Variants in ELFN2 observed in about 807,000 individuals in gnomAD.
ELFN2 encodes the protein protein phosphatase 1 regulatory subunit 29.
ELFN2 carries 17 observed loss-of-function variants against 45.5 expected under a neutral mutation model. The ratio of observed to expected loss-of-function variants is 0.37; its 90% CI spans 0.26 to 0.56. The LOEUF (loss-of-function observed/expected upper bound fraction) is 0.56, where lower values mean the gene tolerates loss of function less well. Among genes scored for constraint, ELFN2 ranks in the 20% least tolerant of loss-of-function variants. The pLI is 0.77. For missense variants in ELFN2, 922 were observed against 1,183.2 expected (o/e 0.78, Z 3.24); for synonymous variants, 550 against 551.5 (o/e 1.00, Z 0.04).
intron 2 of ELFN2, among the ~76,000 whole-genome samples, chr22:37,388,180 C>T (rs890458150): frequency 1.3e-5 from 2 of 152,068 alleles, no homozygotes; most frequent in Non-Finnish European, 2.9e-5. Context: ...GAAAAGTCTT[C>T]GTTGGCTCGG....
At chr22:37,388,620 G>A (rs1932015775) in intron 2 of ELFN2, among the ~76,000 whole-genome samples, 1 of 152,180 alleles carries the variant, frequency 6.6e-6, no homozygotes, top group Non-Finnish European at 1.5e-5. Flanking sequence ...TCGGGGAGGG[G>A]TCAGCTTTTG....
At chr22:37,363,311 A>AT (rs533017026), downstream of ELFN2, among the ~76,000 whole-genome samples, 200 of 152,230 alleles carry the variant, frequency 1.3e-3, 1 homozygote, top group African/African-American at 4.6e-3. Flanking sequence ...GAGCCATACA[A>AT]TTTGTTTGAA....
intron 1 of ELFN2, among the ~76,000 whole-genome samples, chr22:37,344,421 C>T (rs555571305): frequency 1.3e-5 from 2 of 152,008 alleles, no homozygotes; most frequent in East Asian, 3.9e-4. Context: ...CCAGCATCGC[C>T]GGCTCTCAGC....
chr22:37,410,138 G>C (rs1932609277), intron 2 of ELFN2, among the ~76,000 whole-genome samples: 1 of 152,152 alleles, frequency 6.6e-6, no homozygotes, highest in African/African-American at 2.4e-5. Context: ...CTCTCCTGCG[G>C]CCTGAGAGAC....
chr22:37,380,570 C>A (rs1282733675), intron 2 of ELFN2, among the ~76,000 whole-genome samples: 1 of 152,160 alleles, frequency 6.6e-6, no homozygotes, highest in Non-Finnish European at 1.5e-5. Flanking sequence ...TGAGGCTCGG[C>A]CAGGGAAATC....
chr22:37,348,951 G>A (rs757433730), intron 1 of ELFN2, among the ~76,000 whole-genome samples: 5 of 150,932 alleles, frequency 3.3e-5, no homozygotes, highest in Non-Finnish European at 4.5e-5. Context: ...GCGTCTACCC[G>A]TCTTACACAT....
At chr22:37,399,329 G>A (rs1450547429) in intron 2 of ELFN2, among the ~76,000 whole-genome samples, 1 of 152,090 alleles carries the variant, frequency 6.6e-6, no homozygotes, top group East Asian at 1.9e-4. Context: ...GTCTGCCCCT[G>A]TGTGGGCTTC....
intron 1 of ELFN2, among the ~76,000 whole-genome samples, chr22:37,357,793 A>G (rs73164586): frequency 0.01 from 1,578 of 152,258 alleles, 12 homozygotes; most frequent in Middle Eastern, 0.051. Flanking sequence ...GTTTTTACCA[A>G]CTTCCCTGGG....
At position 37,369,186 on chromosome 22, in the gene ELFN2, C is replaced by T. The variant is rs899686471; in HGVS notation, c.*3886G>A. 2.0e-5 allele frequency: 3 copies of T among 152,152 alleles called. No individual in the cohort carries two copies. Among genetic ancestry groups the T allele is most frequent in the African/African-American group, 7.2e-5 (3 of 41,384 alleles). 9.4% of individuals were successfully genotyped at this position (152,152 alleles called of 1,614,324 possible). A position where few individuals can be genotyped will look rare whatever the true frequency, so the allele number is the denominator to read the frequency against. ...CTTTCCTCTCCTTTCCGTCTCTGCA[C>T]TTCTGTTCACCCCGCTGTTACATTT... On this transcript the variant is annotated 3_prime_UTR_variant, in exon 3 of 3. Coordinates refer to ENST00000402918, the MANE Select transcript of ELFN2 (RefSeq NM_052906.5).
intron 2 of ELFN2, among the ~76,000 whole-genome samples, chr22:37,411,473 A>G (rs1302933765): frequency 6.6e-6 from 1 of 152,122 alleles, no homozygotes; most frequent in Admixed American, 6.5e-5. Context: ...GGAAGCGGAG[A>G]AGGTCTGTGT....
At chr22:37,343,924 G>C (rs893418148) in intron 1 of ELFN2, among the ~76,000 whole-genome samples, 1 of 151,920 alleles carries the variant, frequency 6.6e-6, no homozygotes, top group African/African-American at 2.4e-5. Flanking sequence ...CCTTAGGCCA[G>C]GCCGCTGTCA....
chr22:37,345,953 C>T (rs1930686234), intron 1 of ELFN2, among the ~76,000 whole-genome samples: 1 of 152,168 alleles, frequency 6.6e-6, no homozygotes, highest in Admixed American at 6.5e-5. Context: ...TGATCCCAAA[C>T]CACCCCCAGA....
chr22:37,356,036 T>G (rs894083136), intron 1 of ELFN2, among the ~76,000 whole-genome samples: 18 of 152,142 alleles, frequency 1.2e-4, no homozygotes, highest in African/African-American at 4.3e-4. Flanking sequence ...AGTGCAGGTG[T>G]TTTTTTGGAA....
At chr22:37,425,870 T>TAC (rs133723) in intron 1 of ELFN2, among the ~76,000 whole-genome samples, 2,048 of 145,748 alleles carry the variant, frequency 0.014, 22 homozygotes, top group South Asian at 0.069. Flanking sequence ...CACATACACA[T>TAC]ACACACACAC....
rs781692047 is a variant in ELFN2 at position 37,374,382 on chromosome 22, C to T, written c.1153G>A (p.Gly385Arg). ...LTFTTRDPVP[G>R]DLAPSTSTTT... ...GTGGAGGTGCTGGGCGCCAAGTCTC[C>T]GGGGACGGGGTCCCGCGTGGTGAAG... is the stretch of plus-strand genomic sequence containing the variant. Residue 385 changes from glycine to arginine, a missense_variant, in exon 3 of 3, where the codon GGA (glycine) becomes AGA (arginine). Physicochemically the swap from Gly to Arg is moderately radical, Grantham distance 125. Transcript: ENST00000402918. 1.6e-5 allele frequency: 26 copies of T among 1,613,782 alleles called. No individual in the cohort carries two copies. Among genetic ancestry groups the T allele is most frequent in the African/African-American group, 2.7e-5 (2 of 74,924 alleles).
chr22:37,377,293 C>T (rs1430171180), intron 2 of ELFN2, among the ~76,000 whole-genome samples: 1 of 152,210 alleles, frequency 6.6e-6, no homozygotes, highest in Admixed American at 6.5e-5. Context: ...CCCCAGCCCC[C>T]ACCCTGTGCT....
intron 1 of ELFN2, chr22:37,352,519 G>C (rs897722415): frequency 1.3e-5 from 2 of 151,096 alleles, no homozygotes; most frequent in African/African-American, 4.8e-5. Context: ...AGGGGATGCT[G>C]ACCCAGGGTA....
chr22:37,373,391 A>G lies in ELFN2; in HGVS notation c.2144T>C (p.Leu715Pro), dbSNP rs1190812888. 3.1e-6 allele frequency: 5 copies of G among 1,606,488 alleles called. No individual in the cohort carries two copies. The highest frequency in any genetic ancestry group is 4.2e-6 in the Non-Finnish European group (5 of 1,177,348). Residue 715 changes from leucine (L) to proline (P), a missense_variant, in exon 3 of 3, where the codon CTG (leucine) becomes CCG (proline). Leu to Pro is a moderately conservative substitution (Grantham distance 98, BLOSUM62 -3). Around this residue, in one of 2 missense-constraint regions of ELFN2, gnomAD observed 564 missense variants for 642.8 expected, o/e 0.88. Coordinates refer to ENST00000402918, the MANE Select transcript of ELFN2 (RefSeq NM_052906.5). ...GCTGTCGGCACCCTCCTCGTAGTAC[A>G]GGGCGGGAAAGCTGTGCCGGTGCTC... ...CSEHRHSFPA[L>P]YYEEGADSLS... is the part of the protein sequence containing the mutation.
chr22:37,407,896 A>G (rs1045354066), intron 2 of ELFN2, among the ~76,000 whole-genome samples: 1 of 149,836 alleles, frequency 6.7e-6, no homozygotes, highest in South Asian at 2.1e-4. Flanking sequence ...CTCCGTCTCA[A>G]AAAAAAAAAG....
Sources: gnomAD v4.1 joint callset for allele counts (sites outside exome capture counted in the v4.1 genomes callset) on GRCh38, gnomAD v4.1.1 for gene constraint, gnomAD v4.1.1 regional missense constraint, MANE v1.5 for transcripts, NCBI Gene and HGNC (gene_info 2026-07-23, HGNC 2026-07-21) for gene names.